Variants in TOX4 observed in about 807,000 individuals in gnomAD.
TOX4 encodes the protein TOX high mobility group box family member 4, also known as epidermal Langerhans cell protein LCP1.
TOX4 carries 12 observed loss-of-function variants against 61.0 expected under a neutral mutation model. The ratio of observed to expected loss-of-function variants is 0.20; its 90% CI spans 0.13 to 0.32. The LOEUF (loss-of-function observed/expected upper bound fraction) is 0.32. Ranked by LOEUF, TOX4 falls within the 10% of genes least tolerant of loss-of-function variation. The probability of loss-of-function intolerance (pLI) is 1.00; values close to 1 mark genes in which losing one functional copy is unlikely to be tolerated. For missense variants in TOX4, 499 were observed against 753.3 expected (o/e 0.66, Z 3.95); for synonymous variants, 268 against 274.8 (o/e 0.98, Z 0.24).
At chr14:21,491,356 G>A (rs974568850) in intron 5 of TOX4, among the ~76,000 whole-genome samples, 2 of 151,818 alleles carry the variant, frequency 1.3e-5, no homozygotes, top group East Asian at 3.9e-4. Flanking sequence ...GGTTTATTTT[G>A]TATTTATTTA....
chr14:21,496,461 G>T, intron 8 of TOX4, 85 bp from the exon 9 acceptor site: 1 of 1,271,324 alleles, frequency 7.9e-7, no homozygotes. Context: ...CATGAGGTCC[G>T]TCTCAAAAAA....
At position 21,487,813 on chromosome 14, in the gene TOX4, G is replaced by T. The variant is rs1891214393; in HGVS notation, c.318+120G>T. ...CTTGTTTCTCTTCTTGTGGCTAAAG[G>T]CTCACCAACAAAGACTTAATTTCAC... is the stretch of plus-strand genomic sequence containing the variant. On this transcript the variant is annotated intron_variant, in intron 3 of 8. Transcript: ENST00000448790. The T allele has an allele frequency of 5.8e-6, 7 of 1,204,524 alleles. No individual in the cohort carries two copies. The South Asian group carries it at 9.9e-5, about 17-fold the overall frequency. The allele number at this position is 1,204,524 out of a possible 1,614,324, so 74.6% of individuals were successfully genotyped here.
At position 21,497,956 on chromosome 14, in the gene TOX4, T is replaced by A. The variant is rs1594435783; in HGVS notation, c.*1350T>A. ...CCTCGGCTTCCCAAAGTGCTCGGATTACAGGTGTGAGCCACTGTGCCTAGC... is the reference window on the plus strand; with the variant it reads ...CCTCGGCTTCCCAAAGTGCTCGGATAACAGGTGTGAGCCACTGTGCCTAGC... On this transcript the variant is annotated 3_prime_UTR_variant, in exon 9 of 9. Transcript: ENST00000448790. The A allele has an allele frequency of 1.1e-5, 3 of 273,004 alleles. No homozygotes were observed. The East Asian group carries it at 2.6e-4, about 24-fold the overall frequency. The allele number at this position is 273,004 out of a possible 1,614,324, so 16.9% of individuals were successfully genotyped here.
intron 3 of TOX4, 164 bp downstream of exon 3, chr14:21,487,857 C>T: frequency 2.9e-6 from 2 of 693,592 alleles, no homozygotes; most frequent in Non-Finnish European, 4.2e-6. Flanking sequence ...ATGAAATTTA[C>T]CATGTAGGTA....
intron 2 of TOX4, among the ~76,000 whole-genome samples, chr14:21,481,148 G>A (rs1466015014): frequency 4.6e-5 from 7 of 152,158 alleles, no homozygotes; most frequent in Admixed American, 6.5e-5. Context: ...AAAAGAAGAC[G>A]TCCAAATTGC....
chr14:21,493,261 A>T lies in TOX4; in HGVS notation c.1641+4A>T. On this transcript the variant is annotated splice_donor_region_variant and intron_variant, in intron 7 of 8. Transcript: ENST00000448790. ...GATCACAGATGTAGTTCCTGAGGTG[A>T]GCCTTTGTTTTTAAGTCTTTAGTCT... is the stretch of plus-strand genomic sequence containing the variant. The T allele has an allele frequency of 1.3e-6, 2 of 1,594,958 alleles. No homozygotes were observed. The highest frequency in any genetic ancestry group is 1.7e-6 in the Non-Finnish European group (2 of 1,172,080).
intron 3 of TOX4, 75 bp downstream of exon 3, chr14:21,487,768 C>G (rs908466792): frequency 6.7e-7 from 1 of 1,493,984 alleles, no homozygotes; most frequent in Non-Finnish European, 9.0e-7. Flanking sequence ...TACTCTATTC[C>G]CTGCTACACT....
At chr14:21,489,690 T>C (rs1414762121) in intron 5 of TOX4, among the ~76,000 whole-genome samples, 1 of 152,016 alleles carries the variant, frequency 6.6e-6, no homozygotes, top group Non-Finnish European at 1.5e-5. Context: ...GCCATTCTCC[T>C]GCTTCAGCCT....
intron 2 of TOX4, among the ~76,000 whole-genome samples, chr14:21,483,045 A>C (rs561901690): frequency 6.6e-6 from 1 of 152,268 alleles, no homozygotes; most frequent in African/African-American, 2.4e-5. Context: ...TGGAATCTCA[A>C]CATGTCTAAT....
At chr14:21,494,754 A>G (rs1177154433) in intron 7 of TOX4, among the ~76,000 whole-genome samples, 1 of 109,378 alleles carries the variant, frequency 9.1e-6, no homozygotes, top group Non-Finnish European at 2.0e-5. Context: ...CGTCTCAAAA[A>G]AAAAAAAAAA....
Position 21,489,161 on chromosome 14 carries a change from T to C in TOX4, c.580-12T>C, listed in dbSNP as rs112585243. On this transcript the variant is annotated splice_polypyrimidine_tract_variant and intron_variant, in intron 4 of 8. Coordinates refer to ENST00000448790, the MANE Select transcript of TOX4 (RefSeq NM_014828.4). ...GTCCATTGTGTAATTCTCTCTTTTT[T>C]CTCTCCTACAGCAACTTCCCAGCCA... is the stretch of plus-strand genomic sequence containing the variant. 2.4e-5 allele frequency: 39 copies of C among 1,609,064 alleles called. 1 individual carries two copies. The highest frequency in any genetic ancestry group is 3.3e-4 in the Middle Eastern group (2 of 6,016).
rs747976845 is a variant in TOX4 at position 21,488,712 on chromosome 14, A to C, written c.441A>C (p.Ser147=). ...GHSQLTTIDQ[S]ELSSQLGLSL... Reference sequence around the variant, plus strand: ...GCCAGTTGACCACCATTGATCAGTCAGAACTGAGTTCCCAGCTGGGTTTGA... The same window carrying C: ...GCCAGTTGACCACCATTGATCAGTCCGAACTGAGTTCCCAGCTGGGTTTGA... The change falls in exon 4 of 9, where the codon TCA becomes TCC. Residue 147 remains serine (S), a synonymous_variant. Coordinates refer to ENST00000448790, the MANE Select transcript of TOX4 (RefSeq NM_014828.4). The C allele has an allele frequency of 6.2e-7, 1 of 1,614,204 alleles. No homozygotes were observed. The highest frequency in any genetic ancestry group is 8.5e-7 in the Non-Finnish European group (1 of 1,180,040).
chr14:21,480,084 T>C (rs1288949792), intron 2 of TOX4, among the ~76,000 whole-genome samples: 1 of 152,176 alleles, frequency 6.6e-6, no homozygotes, highest in Non-Finnish European at 1.5e-5. Context: ...CCTCCCACCT[T>C]GGCCTCCCAA....
chr14:21,478,980 T>G (rs953543196), intron 2 of TOX4, among the ~76,000 whole-genome samples: 2 of 140,396 alleles, frequency 1.4e-5, no homozygotes, highest in Non-Finnish European at 3.1e-5. Flanking sequence ...ATTTTTTTTT[T>G]TTTTTTGAAT....
In TOX4 at chr14:21,479,405, C is replaced by G. The variant is rs529030818; in HGVS notation, c.75+1841C>G. Reference sequence around the variant, plus strand: ...GTGGCTCATGCCTGTAATCCCAGCACTTTGGGAGGCCAAGGAGGGCGGATC... The same window carrying G: ...GTGGCTCATGCCTGTAATCCCAGCAGTTTGGGAGGCCAAGGAGGGCGGATC... On this transcript the variant is annotated intron_variant, in intron 2 of 8. Coordinates refer to ENST00000448790, the MANE Select transcript of TOX4 (RefSeq NM_014828.4). 4.4e-4 allele frequency among the ~76,000 whole-genome samples: 67 copies of G among 151,872 alleles called. 1 individual carries two copies. Among genetic ancestry groups the G allele is most frequent in the Middle Eastern group, 3.4e-3 (1 of 294 alleles).
At chr14:21,488,363 T>TGA in intron 3 of TOX4, 1 of 523,228 alleles carries the variant, frequency 1.9e-6, no homozygotes, top group South Asian at 2.5e-5. Context: ...GCGACTTCTC[T>TGA]GATTATTTTT....
At position 21,498,903 on chromosome 14, in the gene TOX4, C is replaced by T. The variant is rs1891482089; in HGVS notation, c.*2297C>T. 1.5e-6 allele frequency: 1 copy of T among 672,470 alleles called. No individual in the cohort carries two copies. The highest frequency in any genetic ancestry group is 1.8e-5 in the South Asian group (1 of 54,878). The allele number at this position is 672,470 out of a possible 1,614,324, so 41.7% of individuals were successfully genotyped here. On this transcript the variant is annotated 3_prime_UTR_variant, in exon 9 of 9. Coordinates refer to ENST00000448790, the MANE Select transcript of TOX4 (RefSeq NM_014828.4). ...ACAGTTTAAATACAAGCTTAAGTGG[C>T]TTATGAATCCTGTGAAGCTCATTTA...
chr14:21,478,461 T>C (rs1594422173), intron 2 of TOX4, among the ~76,000 whole-genome samples: 1 of 152,196 alleles, frequency 6.6e-6, no homozygotes, highest in South Asian at 2.1e-4. Context: ...TAGTTTCTTA[T>C]GCTGTTTTAA....
chr14:21,494,712 T>C (rs2139631904), intron 7 of TOX4, among the ~76,000 whole-genome samples: 1 of 132,930 alleles, frequency 7.5e-6, no homozygotes, highest in South Asian at 2.4e-4. Flanking sequence ...ATCGCACCAC[T>C]GCACTCTAGC....
Sources: gnomAD v4.1 joint callset for allele counts (sites outside exome capture counted in the v4.1 genomes callset) on GRCh38, gnomAD v4.1.1 for gene constraint, MANE v1.5 for transcripts, NCBI Gene and HGNC (gene_info 2026-07-23, HGNC 2026-07-21) for gene names.